Variants in CCSER1 observed in about 807,000 individuals in gnomAD.
CCSER1 encodes the protein coiled-coil serine rich protein 1.
A neutral mutation model predicts 82.0 loss-of-function variants in CCSER1; 41 were observed. That is an observed-to-expected ratio of 0.50 (90% confidence interval 0.39 to 0.65). The LOEUF is 0.65. CCSER1 is among the 30% of genes least tolerant of loss of function. The probability of loss-of-function intolerance (pLI) is 0.00; values close to 1 mark genes in which losing one functional copy is unlikely to be tolerated. For missense variants in CCSER1, 1,119 were observed against 1,064.2 expected, an observed-to-expected ratio of 1.05 and a Z score of -0.72; for synonymous variants, 414 against 383.9, an observed-to-expected ratio of 1.08 and a Z score of -0.92.
intron 10 of CCSER1, among the ~76,000 whole-genome samples, chr4:91,356,824 G>T (rs1044170532): frequency 2.6e-5 from 4 of 152,178 alleles, no homozygotes. Context: ...GGCCCTCGGG[G>T]ATGACCTGCA....
chr4:90,297,500 G>A (rs1478712651), intron 1 of CCSER1, among the ~76,000 whole-genome samples: 5 of 150,938 alleles, frequency 3.3e-5, no homozygotes, highest in Admixed American at 1.3e-4. Context: ...TCTCCTGCCT[G>A]ATTGCCCTGG....
chr4:90,442,145 A>G lies in CCSER1; in HGVS notation c.1604-26089A>G, dbSNP rs767274277. Among the ~76,000 whole-genome samples, 122 of 152,300 alleles carry G rather than the reference A, an allele frequency of 8.0e-4. 3 individuals are homozygous for G. The highest frequency in any genetic ancestry group is 7.2e-4 in the Admixed American group (11 of 15,292). ...GGGGAGTCTTAAATTCTGATCAGACAATCAAAAGTTCTCACAACGAGGGGG... is the reference window on the plus strand; with the variant it reads ...GGGGAGTCTTAAATTCTGATCAGACGATCAAAAGTTCTCACAACGAGGGGG... On this transcript the variant is annotated intron_variant, in intron 4 of 10. Coordinates refer to ENST00000509176, the MANE Select transcript of CCSER1 (RefSeq NM_001145065.2).
chr4:90,798,883 G>T (rs1333273656), intron 7 of CCSER1, among the ~76,000 whole-genome samples: 1 of 152,192 alleles, frequency 6.6e-6, no homozygotes, highest in Non-Finnish European at 1.5e-5. Context: ...GTGGGTGGTG[G>T]CGGAAGGTGC....
intron 1 of CCSER1, among the ~76,000 whole-genome samples, chr4:90,137,694 C>G (rs1005543026): frequency 2.0e-5 from 3 of 152,214 alleles, no homozygotes; most frequent in Non-Finnish European, 4.4e-5. Context: ...CAATTCCAAT[C>G]TGCTAGCCAT....
intron 9 of CCSER1, among the ~76,000 whole-genome samples, chr4:91,061,826 C>T (rs962476001): frequency 6.6e-6 from 1 of 151,926 alleles, no homozygotes; most frequent in Non-Finnish European, 1.5e-5. Flanking sequence ...TGTAGCACAG[C>T]ATAGACAAGT....
chr4:91,491,907 A>G, intron 10 of CCSER1, among the ~76,000 whole-genome samples: 1 of 151,100 alleles, frequency 6.6e-6, no homozygotes, highest in Admixed American at 6.6e-5. Context: ...ACTTATGGCT[A>G]TTAACAAGTA....
intron 9 of CCSER1, among the ~76,000 whole-genome samples, chr4:91,026,749 T>A (rs1294587060): frequency 6.6e-6 from 1 of 152,048 alleles, no homozygotes; most frequent in Admixed American, 6.6e-5. Context: ...AATAGCTTAG[T>A]GTAAAGTGTA....
intron 5 of CCSER1, among the ~76,000 whole-genome samples, chr4:90,495,510 C>T (rs964660224): frequency 6.6e-6 from 1 of 152,016 alleles, no homozygotes; most frequent in Non-Finnish European, 1.5e-5. Context: ...CGACTGGGTG[C>T]TTGAAAAGGC....
chr4:91,508,011 TGA>T (rs1560725108), intron 10 of CCSER1, among the ~76,000 whole-genome samples: 1 of 28,244 alleles, frequency 3.5e-5, no homozygotes, highest in Non-Finnish European at 7.8e-5. Context: ...TATATATATA[TGA>T]AATTATGTCA....
At chr4:90,332,058 A>G (rs562485065) in intron 3 of CCSER1, among the ~76,000 whole-genome samples, 2 of 152,228 alleles carry the variant, frequency 1.3e-5, no homozygotes, top group African/African-American at 2.4e-5. Flanking sequence ...ACTCAGTTGC[A>G]TATTAATAGT....
chr4:91,306,833 C>T (rs1578162689), intron 10 of CCSER1, among the ~76,000 whole-genome samples: 1 of 151,958 alleles, frequency 6.6e-6, no homozygotes, highest in Non-Finnish European at 1.5e-5. Flanking sequence ...TCAACTTTTA[C>T]AAAACTTTTA....
At chr4:91,524,388 A>T (rs760523810) in intron 10 of CCSER1, among the ~76,000 whole-genome samples, 1 of 152,202 alleles carries the variant, frequency 6.6e-6, no homozygotes, top group Non-Finnish European at 1.5e-5. Flanking sequence ...TAAAAAGGAA[A>T]GCAGATTTTT....
chr4:91,553,565 T>C (rs1762261353), intron 10 of CCSER1, among the ~76,000 whole-genome samples: 1 of 83,066 alleles, frequency 1.2e-5, no homozygotes. Context: ...TCTCCTTACT[T>C]ACGGGAATTT....
In CCSER1 at chr4:90,932,954, G is replaced by GA. The variant is rs1222456881; in HGVS notation, c.2172+9510dup. On this transcript the variant is annotated intron_variant, in intron 9 of 10. Coordinates refer to ENST00000509176, the MANE Select transcript of CCSER1 (RefSeq NM_001145065.2). Reference sequence around the variant, plus strand: ...AGAAAGAAAGAAAGAAAGAAAGAAAGAAAGAAAGAAAGAAAGAAAGAAAGA... The same window carrying GA: ...AGAAAGAAAGAAAGAAAGAAAGAAAGAAAAGAAAGAAAGAAAGAAAGAAAGA... Among the ~76,000 whole-genome samples the GA allele has an allele frequency of 6.1e-5, 2 of 32,592 alleles. 1 individual carries two copies. Among genetic ancestry groups the GA allele is most frequent in the African/African-American group, 4.7e-4 (2 of 4,292 alleles). 21.4% of individuals were successfully genotyped at this position (32,592 alleles called of 152,430 possible).
chr4:90,863,157 T>C (rs1476696043), intron 8 of CCSER1, among the ~76,000 whole-genome samples: 1 of 151,686 alleles, frequency 6.6e-6, no homozygotes, highest in Non-Finnish European at 1.5e-5. Flanking sequence ...TTCTCATTGT[T>C]CAATTCCCAT....
chr4:90,918,127 A>G (rs1436476754), intron 8 of CCSER1: 2 of 298,046 alleles, frequency 6.7e-6, no homozygotes, highest in African/African-American at 4.4e-5. Flanking sequence ...TTCAGTAAGT[A>G]TGTAATCACT....
chr4:91,202,195 G>T (rs62310738), intron 10 of CCSER1, among the ~76,000 whole-genome samples: 2 of 149,864 alleles, frequency 1.3e-5, no homozygotes, highest in East Asian at 3.9e-4. Context: ...AAAAAAAAAG[G>T]CCAAAGTGTT....
At chr4:90,222,494 A>C (rs1298853201) in intron 1 of CCSER1, among the ~76,000 whole-genome samples, 2 of 152,182 alleles carry the variant, frequency 1.3e-5, no homozygotes, top group African/African-American at 2.4e-5. Flanking sequence ...AGTTGCTTTG[A>C]AAATGTGGCT....
chr4:90,788,979 A>C lies in CCSER1; in HGVS notation c.2011-26783A>C, dbSNP rs570932507. 4.7e-5 allele frequency among the ~76,000 whole-genome samples: 7 copies of C among 149,872 alleles called. No homozygotes were observed. The South Asian group carries it at 1.3e-3, about 27-fold the overall frequency. ...CTGGATCATTTTCATCAGTGTTTAA[A>C]CTTGATTAAGCTTTTCTATCTAACA... On this transcript the variant is annotated intron_variant, in intron 7 of 10. Transcript: ENST00000509176.
Sources: gnomAD v4.1 joint callset for allele counts (sites outside exome capture counted in the v4.1 genomes callset) on GRCh38, gnomAD v4.1.1 for gene constraint, MANE v1.5 for transcripts, NCBI Gene and HGNC (gene_info 2026-07-23, HGNC 2026-07-21) for gene names.